The following DNAH12 variants were observed in gnomAD, a reference collection of about 807,000 sequenced individuals.
DNAH12 encodes dynein axonemal heavy chain 12.
In DNAH12, 285 loss-of-function variants were observed where a neutral mutation model predicts 371.5. That is an observed-to-expected ratio of 0.77 (90% CI 0.70 to 0.85). The LOEUF (loss-of-function observed/expected upper bound fraction) is 0.85, where lower values mean the gene tolerates loss of function less well. Ranked by LOEUF, DNAH12 falls within the 40% of genes least tolerant of loss-of-function variation. The probability of loss-of-function intolerance (pLI) is 0.00; values close to 1 mark genes in which losing one functional copy is unlikely to be tolerated. For missense variants in DNAH12, 3,611 were observed against 3,689.4 expected, an observed-to-expected ratio of 0.98 and a Z score of 0.55; for synonymous variants, 1,200 against 1,213.0, an observed-to-expected ratio of 0.99 and a Z score of 0.22.
chr3:57,436,730 TTAG>T (rs1559657126), intron 30 of DNAH12, among the ~76,000 whole-genome samples: 1 of 152,170 alleles, frequency 6.6e-6, no homozygotes, highest in Non-Finnish European at 1.5e-5. Context: ...GTGGTATTTA[TTAG>T]TACTAGGTCA....
At position 57,403,316 on chromosome 3, in the gene DNAH12, T is replaced by A. The variant is rs2063927373; in HGVS notation, c.6941A>T (p.Asp2314Val). Residue 2314 changes from aspartate to valine, a missense_variant, in exon 43 of 74, where the codon GAT (aspartate) becomes GTT (valine). Physicochemically the swap from Asp to Val is radical, Grantham distance 152. This residue lies in a region of DNAH12 where 2,266 missense variants were observed against 2,236.9 expected (regional missense o/e 1.01). Transcript: ENST00000495027. ...KSYGMNEWRE[D>V]MKGLLRNVGM... The stretch of plus-strand genomic sequence containing the variant: ...GCTTCTTCATAATTTTACCTTCATA[T>A]CCTCTCTCCATTCATTCATACCATA... 6.5e-7 allele frequency: 1 copy of A among 1,542,108 alleles called. No homozygotes were observed. Among genetic ancestry groups the A allele is most frequent in the African/African-American group, 1.4e-5 (1 of 72,360 alleles).
chr3:57,500,290 C>T (rs1202269204), intron 11 of DNAH12, among the ~76,000 whole-genome samples: 2 of 152,164 alleles, frequency 1.3e-5, no homozygotes, highest in Non-Finnish European at 2.9e-5. Flanking sequence ...ATCCACCCGC[C>T]TTGGCCTCCT....
chr3:57,507,764 A>G lies in DNAH12; in HGVS notation c.776T>C (p.Ile259Thr). 6.2e-7 allele frequency: 1 copy of G among 1,611,410 alleles called. No homozygotes were observed. Among genetic ancestry groups the G allele is most frequent in the Non-Finnish European group, 8.5e-7 (1 of 1,179,612 alleles). Reference protein sequence around the residue: ...SIQTRNAEEKIMNTWYPKVIN... With the variant: ...SIQTRNAEEKTMNTWYPKVIN... ...AACCTTTGGATACCATGTATTCATTATCTTCTCTTCTGCGTTTCTAGTTTG... is the reference window on the plus strand; with the variant it reads ...AACCTTTGGATACCATGTATTCATTGTCTTCTCTTCTGCGTTTCTAGTTTG... The change falls in exon 8 of 74, where the codon ATA becomes ACA. Residue 259 changes from isoleucine to threonine, a missense_variant. Coordinates refer to ENST00000495027, the MANE Select transcript of DNAH12 (RefSeq NM_001366028.2).
Position 57,472,541 on chromosome 3 carries a change from T to C in DNAH12, c.1776+5A>G. 6.5e-7 allele frequency: 1 copy of C among 1,545,852 alleles called. No homozygotes were observed. The highest frequency in any genetic ancestry group is 8.7e-7 in the Non-Finnish European group (1 of 1,145,198). ...ACAAAAATACATACTGAAAAATATATTTACCTCATCATTTTCATCAAAGAT... is the reference window on the plus strand; with the variant it reads ...ACAAAAATACATACTGAAAAATATACTTACCTCATCATTTTCATCAAAGAT... On this transcript the variant is annotated splice_donor_5th_base_variant and intron_variant, in intron 14 of 73. Coordinates refer to ENST00000495027, the MANE Select transcript of DNAH12 (RefSeq NM_001366028.2).
chr3:57,383,139 T>C (rs1018711135), intron 49 of DNAH12, among the ~76,000 whole-genome samples: 7,551 of 152,280 alleles, frequency 0.05, 239 homozygotes, highest in Non-Finnish European at 0.075. Flanking sequence ...AGACCATTTC[T>C]GCAGCGTGGC....
At chr3:57,484,169 C>T (rs2066851962) in intron 12 of DNAH12, among the ~76,000 whole-genome samples, 3 of 151,924 alleles carry the variant, frequency 2.0e-5, no homozygotes, top group African/African-American at 7.2e-5. Context: ...ACATAGTACA[C>T]TCTATTTACT....
At chr3:57,297,944 A>G (rs1443275665) in intron 70 of DNAH12, among the ~76,000 whole-genome samples, 6 of 152,184 alleles carry the variant, frequency 3.9e-5, no homozygotes, top group Admixed American at 3.9e-4. Context: ...TCACACAAAC[A>G]AACAAACCAA....
intron 4 of DNAH12, among the ~76,000 whole-genome samples, chr3:57,518,325 G>C (rs2068276679): frequency 6.6e-6 from 1 of 152,146 alleles, no homozygotes; most frequent in Non-Finnish European, 1.5e-5. Flanking sequence ...AGGAGTTTGA[G>C]ACCAGCTTGG....
chr3:57,364,899 T>C (rs2063013777), intron 57 of DNAH12, among the ~76,000 whole-genome samples: 2 of 152,296 alleles, frequency 1.3e-5, no homozygotes, highest in Admixed American at 6.5e-5. Flanking sequence ...GAAATGTAAA[T>C]CAAAACCACA....
Position 57,404,986 on chromosome 3 carries a change from C to G in DNAH12, c.6738G>C (p.Met2246Ile). The G allele has an allele frequency of 6.6e-7, 1 of 1,515,520 alleles. No homozygotes were observed. The highest frequency in any genetic ancestry group is 8.8e-7 in the Non-Finnish European group (1 of 1,135,878). The allele number at this position is 1,515,520 out of a possible 1,614,324, so 93.9% of individuals were successfully genotyped here. The change falls in exon 42 of 74, where the codon ATG (methionine) becomes ATC (isoleucine). Residue 2246 changes from methionine (M) to isoleucine (I), a missense_variant. Met to Ile is a conservative substitution (Grantham distance 10). This residue lies in a region of DNAH12 where 2,266 missense variants were observed against 2,236.9 expected (regional missense o/e 1.01). Coordinates refer to ENST00000495027, the MANE Select transcript of DNAH12 (RefSeq NM_001366028.2). ...ATAGGTACCTAAAAATGACAAGATT[C>G]ATTCTTGTTTTGTGTGTTTGATTAT... is the stretch of plus-strand genomic sequence containing the variant. Reference protein sequence around the residue: ...DEYNQTHKTRMNLVIFRYVLE... With the variant: ...DEYNQTHKTRINLVIFRYVLE...
Position 57,523,795 on chromosome 3 carries a change from A to G in DNAH12, c.252+8T>C, listed in dbSNP as rs1421207433. ...GATAAACTTTTTAACGAGAAAACAT[A>G]AACTTACAGTTTGAGGATAATCAGG... On this transcript the variant is annotated splice_region_variant and intron_variant, in intron 3 of 73. Coordinates refer to ENST00000495027, the MANE Select transcript of DNAH12 (RefSeq NM_001366028.2). 1.3e-6 allele frequency: 2 copies of G among 1,588,992 alleles called. No individual in the cohort carries two copies. The highest frequency in any genetic ancestry group is 1.2e-5 in the South Asian group (1 of 84,954).
intron 4 of DNAH12, among the ~76,000 whole-genome samples, chr3:57,518,532 A>AAAAAAG (rs1553717704): frequency 6.7e-6 from 1 of 149,564 alleles, no homozygotes; most frequent in Non-Finnish European, 1.5e-5. Context: ...CTGTCTCAAA[A>AAAAAAG]AAAAGAAAAG....
intron 60 of DNAH12, among the ~76,000 whole-genome samples, chr3:57,340,132 G>A (rs2062358641): frequency 6.6e-6 from 1 of 151,710 alleles, no homozygotes. Flanking sequence ...AAAATGTATG[G>A]GACACAACAA....
intron 20 of DNAH12, among the ~76,000 whole-genome samples, chr3:57,458,502 C>G: frequency 6.6e-6 from 1 of 152,126 alleles, no homozygotes. Flanking sequence ...TGAGAAAAGT[C>G]TGTTTGGCTG....
chr3:57,374,236 C>T (rs1289797036), intron 55 of DNAH12, among the ~76,000 whole-genome samples: 1 of 152,106 alleles, frequency 6.6e-6, no homozygotes, highest in Non-Finnish European at 1.5e-5. Flanking sequence ...TCAATTTCCT[C>T]ATCTATAAAA....
At chr3:57,448,166 G>C (rs141788713) in intron 25 of DNAH12, among the ~76,000 whole-genome samples, 1 of 152,174 alleles carries the variant, frequency 6.6e-6, no homozygotes, top group African/African-American at 2.4e-5. Context: ...GAATGAAGCC[G>C]CGGACCCTCG....
At chr3:57,522,332 C>A (rs1312872792) in intron 4 of DNAH12, among the ~76,000 whole-genome samples, 2 of 152,108 alleles carry the variant, frequency 1.3e-5, no homozygotes. Context: ...AGCCATATTG[C>A]CAAGAGCAGT....
intron 69 of DNAH12, among the ~76,000 whole-genome samples, chr3:57,305,442 G>A (rs1324857318): frequency 6.6e-6 from 1 of 151,912 alleles, no homozygotes; most frequent in Non-Finnish European, 1.5e-5. Context: ...CCTCACACCC[G>A]GTCCAGCTTA....
chr3:57,330,513 T>G (rs1423337983), intron 62 of DNAH12, among the ~76,000 whole-genome samples: 1 of 130,980 alleles, frequency 7.6e-6, no homozygotes, highest in East Asian at 2.2e-4. Context: ...AATCGAACAG[T>G]GAGAACACAT....
Sources: gnomAD v4.1 joint callset for allele counts (sites outside exome capture counted in the v4.1 genomes callset) on GRCh38, gnomAD v4.1.1 for gene constraint, gnomAD v4.1.1 regional missense constraint, MANE v1.5 for transcripts, NCBI Gene and HGNC (gene_info 2026-07-23, HGNC 2026-07-21) for gene names.